Variants in ATXN1 observed in about 807,000 individuals in gnomAD.
The protein encoded by ATXN1 is ataxin 1.
In ATXN1, 8 loss-of-function variants were observed where a neutral mutation model predicts 56.4. The observed-to-expected ratio is 0.14, with a 90% CI of 0.08 to 0.26. The LOEUF (loss-of-function observed/expected upper bound fraction) is 0.26. Among genes scored for constraint, ATXN1 ranks in the 10% least tolerant of loss-of-function variants. The pLI is 1.00. For missense variants in ATXN1, 987 were observed against 1,106.5 expected, an observed-to-expected ratio of 0.89 and a Z score of 1.53; for synonymous variants, 514 against 494.6, an observed-to-expected ratio of 1.04 and a Z score of -0.52.
intron 3 of ATXN1, among the ~76,000 whole-genome samples, chr6:16,646,539 G>A (rs771596935): frequency 4.6e-5 from 7 of 152,158 alleles, no homozygotes; most frequent in Non-Finnish European, 1.0e-4. Context: ...GTCTCCCACT[G>A]TTCCACCTCA....
At chr6:16,652,106 C>T (rs753451598) in intron 3 of ATXN1, 1 of 152,222 alleles carries the variant, frequency 6.6e-6, no homozygotes, top group African/African-American at 2.4e-5. Context: ...AGGACTTAGA[C>T]AATCATTAGC....
chr6:16,417,071 G>A (rs1326923069), intron 6 of ATXN1, among the ~76,000 whole-genome samples: 1 of 152,068 alleles, frequency 6.6e-6, no homozygotes, highest in Non-Finnish European at 1.5e-5. Context: ...TTGCTCTGTT[G>A]CCGAGGCTGG....
intron 4 of ATXN1, among the ~76,000 whole-genome samples, chr6:16,549,833 T>C (rs969925063): frequency 1.4e-5 from 2 of 146,394 alleles, no homozygotes; most frequent in African/African-American, 2.5e-5. Flanking sequence ...GGAGCAAAGA[T>C]TGTGGTGAGC....
chr6:16,708,967 AGTGAGCCAAGATTGT>A (rs1164823615), intron 2 of ATXN1, among the ~76,000 whole-genome samples: 9 of 151,866 alleles, frequency 5.9e-5, no homozygotes, highest in African/African-American at 2.2e-4. Context: ...CAGAGTTTGC[AGTGAGCCAAGATTGT>A]GCCACTGAAC....
intron 2 of ATXN1, among the ~76,000 whole-genome samples, chr6:16,671,125 A>G (rs564037559): frequency 5.3e-5 from 8 of 152,354 alleles, no homozygotes; most frequent in Admixed American, 4.6e-4. Context: ...AAAAATTGTA[A>G]GATGATGCCA....
chr6:16,489,398 C>A (rs530883976), intron 5 of ATXN1, among the ~76,000 whole-genome samples: 8 of 152,234 alleles, frequency 5.3e-5, no homozygotes, highest in South Asian at 4.2e-4. Flanking sequence ...CAGCCCTCCA[C>A]AAACTCAAAA....
chr6:16,419,552 G>C (rs927398892), intron 6 of ATXN1, among the ~76,000 whole-genome samples: 1 of 152,124 alleles, frequency 6.6e-6, no homozygotes, highest in Non-Finnish European at 1.5e-5. Context: ...GGGTATGGCA[G>C]TGTGCAAAGG....
At position 16,306,135 on chromosome 6, in the gene ATXN1, T is replaced by TG. The variant is rs1581677606; in HGVS notation, c.*193dup. 3.1e-6 allele frequency: 2 copies of TG among 641,968 alleles called. No homozygotes were observed. The highest frequency in any genetic ancestry group is 7.0e-5 in the East Asian group (2 of 28,716). 39.8% of individuals were successfully genotyped at this position (641,968 alleles called of 1,614,324 possible). On this transcript the variant is annotated 3_prime_UTR_variant, in exon 8 of 8. Coordinates refer to ENST00000436367, the MANE Select transcript of ATXN1 (RefSeq NM_001128164.2). The surrounding 1 kb of genome is among the most constrained non-coding windows in gnomAD (Gnocchi z 5.2). Reference sequence around the variant, plus strand: ...TGTGCCCTTCCTCCCGCCCGCTCACTGACAGACACTCGTGGAAAAAGCATA... The same window carrying TG: ...TGTGCCCTTCCTCCCGCCCGCTCACTGGACAGACACTCGTGGAAAAAGCATA...
chr6:16,448,376 A>T (rs535910496), intron 6 of ATXN1, among the ~76,000 whole-genome samples: 21 of 152,134 alleles, frequency 1.4e-4, no homozygotes. Flanking sequence ...CTCTTCATTC[A>T]TCACAGCTGA....
intron 6 of ATXN1, among the ~76,000 whole-genome samples, chr6:16,359,472 T>C (rs1761763088): frequency 1.3e-5 from 2 of 152,032 alleles, no homozygotes; most frequent in South Asian, 4.1e-4. Context: ...TCTCTGCTGA[T>C]AGCTGGAGAC....
At chr6:16,610,892 G>A (rs983459003) in intron 3 of ATXN1, among the ~76,000 whole-genome samples, 2 of 151,066 alleles carry the variant, frequency 1.3e-5, no homozygotes, top group Admixed American at 6.6e-5. Flanking sequence ...TTAGCCAGGC[G>A]TGGGGCTGTG....
intron 2 of ATXN1, among the ~76,000 whole-genome samples, chr6:16,665,256 T>C (rs928595314): frequency 3.9e-5 from 6 of 152,244 alleles, no homozygotes; most frequent in Non-Finnish European, 8.8e-5. Flanking sequence ...AGTATTCTTT[T>C]ATATTAAAAT....
At chr6:16,686,187 T>C (rs1561808044) in intron 2 of ATXN1, among the ~76,000 whole-genome samples, 1 of 152,236 alleles carries the variant, frequency 6.6e-6, no homozygotes, top group Non-Finnish European at 1.5e-5. Context: ...TAATACCTTG[T>C]TACACAGATT....
At chr6:16,449,680 C>T (rs1186300390) in intron 6 of ATXN1, among the ~76,000 whole-genome samples, 1 of 152,092 alleles carries the variant, frequency 6.6e-6, no homozygotes, top group East Asian at 1.9e-4. Flanking sequence ...TTGAAAGAAG[C>T]CATTTCTTTT....
intron 2 of ATXN1, among the ~76,000 whole-genome samples, chr6:16,671,305 CTTTCTTTTTTT>C (rs1213097305): frequency 1.4e-5 from 1 of 73,512 alleles, no homozygotes; most frequent in African/African-American, 7.8e-5. Context: ...CTTTTCTTTT[CTTTCTTTTTTT>C]TTTTTTTTGC....
intron 5 of ATXN1, among the ~76,000 whole-genome samples, chr6:16,520,788 C>A (rs1422294349): frequency 6.6e-6 from 1 of 152,042 alleles, no homozygotes; most frequent in African/African-American, 2.4e-5. Flanking sequence ...CTCGTGTAGA[C>A]CCAGCTCTGT....
chr6:16,728,049 AT>A (rs1014098011), intron 2 of ATXN1, among the ~76,000 whole-genome samples: 1 of 152,206 alleles, frequency 6.6e-6, no homozygotes, highest in Non-Finnish European at 1.5e-5. Flanking sequence ...GGCTGTGAGG[AT>A]TACAGAGATT....
chr6:16,674,051 T>TATATATATATATA lies in ATXN1; in HGVS notation c.-614-16151_-614-16150insTATATATATATAT, dbSNP rs559330521. Among the ~76,000 whole-genome samples, 244 of 151,942 alleles carry TATATATATATATA rather than the reference T, an allele frequency of 1.6e-3. 3 individuals are homozygous for TATATATATATATA. In the Middle Eastern group the frequency reaches 0.024, roughly 15 times the overall value. ...ATACATGGAAATGCTCTAACGTGTT[T>TATATATATATATA]TATATATATATATATTCTTACATTG... On this transcript the variant is annotated intron_variant, in intron 2 of 7. Transcript: ENST00000436367.
chr6:16,537,678 T>C (rs1459823231), intron 4 of ATXN1, among the ~76,000 whole-genome samples: 3 of 147,654 alleles, frequency 2.0e-5, no homozygotes, highest in Non-Finnish European at 4.5e-5. Flanking sequence ...TGCACTCCAG[T>C]CTGGGCAACA....
Sources: allele counts gnomAD v4.1 joint callset (sites outside exome capture counted in the v4.1 genomes callset), GRCh38; gene constraint gnomAD v4.1.1; non-coding constraint Gnocchi (gnomAD v3.1); transcripts MANE v1.5; gene names NCBI Gene and HGNC (gene_info 2026-07-23, HGNC 2026-07-21).